MIA2: variants seen among roughly 807,000 people sequenced by gnomAD.
MIA2 encodes MIA SH3 domain ER export factor 2, also known as melanoma inhibitory activity protein 2.
MIA2 carries 127 observed loss-of-function variants against 167.8 expected under a neutral mutation model. That is an observed-to-expected ratio of 0.76 (90% CI 0.66 to 0.88). MIA2 has a LOEUF of 0.88. Ranked by LOEUF, MIA2 falls within the 40% of genes least tolerant of loss-of-function variation. The probability of loss-of-function intolerance (pLI) is 0.00; values close to 1 mark genes in which losing one functional copy is unlikely to be tolerated. For synonymous variants in MIA2, 552 were observed against 541.9 expected (o/e 1.02, Z -0.26); for missense variants, 1,690 against 1,624.7 (o/e 1.04, Z -0.69).
chr14:39,266,908 G>A lies in MIA2; in HGVS notation c.1888-10026G>A, dbSNP rs2055804762. ...GCCGCCGCCGCCACCGCGGCCGCCCGAGGCGGGTGCCCTTGGGACATAGCC... is the reference window on the plus strand; with the variant it reads ...GCCGCCGCCGCCACCGCGGCCGCCCAAGGCGGGTGCCCTTGGGACATAGCC... On this transcript the variant is annotated intron_variant, in intron 6 of 28. Coordinates refer to ENST00000640607, the MANE Select transcript of MIA2 (RefSeq NM_001329214.4). The A allele has an allele frequency of 4.4e-6, 3 of 675,166 alleles. No individual in the cohort carries two copies. In the South Asian group the frequency reaches 1.9e-4, roughly 44 times the overall value. The allele number at this position is 675,166 out of a possible 1,614,324, so 41.8% of individuals were successfully genotyped here. A position where few individuals can be genotyped will look rare whatever the true frequency, so the allele number is the denominator to read the frequency against.
At chr14:39,313,226 G>C (rs1278282893) in intron 18 of MIA2, 114 bp from the exon 19 acceptor site, 2 of 500,976 alleles carry the variant, frequency 4.0e-6, no homozygotes, top group African/African-American at 4.0e-5. Context: ...GATGTTTTCA[G>C]TGGTATTTTA....
chr14:39,372,443 G>A (rs1005714183), intron 23 of MIA2, among the ~76,000 whole-genome samples: 7 of 152,218 alleles, frequency 4.6e-5, no homozygotes, highest in African/African-American at 1.4e-4. Context: ...GTGGAAGCTA[G>A]AACAATTAAG....
At chr14:39,330,886 G>C (rs1227060600) in intron 25 of MIA2, among the ~76,000 whole-genome samples, 1 of 152,080 alleles carries the variant, frequency 6.6e-6, no homozygotes, top group African/African-American at 2.4e-5. Flanking sequence ...CCAATTATGT[G>C]GTTGATTTTA....
chr14:39,277,690 G>A (rs367647670), intron 7 of MIA2, among the ~76,000 whole-genome samples: 610 of 3,886 alleles, frequency 0.16, 137 homozygotes, highest in African/African-American at 0.19. Flanking sequence ...ATATATATGT[G>A]TGTATATATA....
Position 39,246,979 on chromosome 14 carries a change from T to G in MIA2, c.405T>G (p.Gly135=). The change falls in exon 4 of 29, where the codon GGT becomes GGG. Residue 135 remains glycine (G), a synonymous_variant. Coordinates refer to ENST00000640607, the MANE Select transcript of MIA2 (RefSeq NM_001329214.4). The stretch of plus-strand genomic sequence containing the variant: ...ACAATGAAGATAGTGAATTAAACGG[T>G]GATTATGGTGAAAATATATATCCTT... ...TFDNEDSELN[G]DYGENIYPYE... The G allele has an allele frequency of 6.4e-7, 1 of 1,552,988 alleles. No individual in the cohort carries two copies. The highest frequency in any genetic ancestry group is 1.4e-5 in the African/African-American group (1 of 72,390).
At chr14:39,329,639 A>G (rs1239698109) in intron 25 of MIA2, among the ~76,000 whole-genome samples, 1 of 135,512 alleles carries the variant, frequency 7.4e-6, no homozygotes, top group Non-Finnish European at 1.5e-5. Flanking sequence ...TTCCATCACT[A>G]CCTAGTTTAT....
Position 39,260,525 on chromosome 14 carries a change from A to G in MIA2, c.1887+7354A>G, listed in dbSNP as rs1158799675. Among the ~76,000 whole-genome samples, 7 of 152,304 alleles carry G rather than the reference A, an allele frequency of 4.6e-5. No individual in the cohort carries two copies. In the East Asian group the frequency reaches 1.3e-3, roughly 29 times the overall value. On this transcript the variant is annotated intron_variant, in intron 6 of 28. Coordinates refer to ENST00000640607, the MANE Select transcript of MIA2 (RefSeq NM_001329214.4). ...GTCTTCTTTTGAAAAGTGTCTGTTC[A>G]TATCCTTTGCCCACTTTTTGATGAA...
chr14:39,252,720 A>G (rs775575334), intron 4 of MIA2, 28 bp from the exon 5 acceptor site: 9 of 1,563,062 alleles, frequency 5.8e-6, no homozygotes. Flanking sequence ...TATTTTGGAA[A>G]AACACATTTC....
chr14:39,322,635 C>A (rs1390973304), intron 24 of MIA2, among the ~76,000 whole-genome samples: 1 of 151,206 alleles, frequency 6.6e-6, no homozygotes, highest in Admixed American at 6.6e-5. Context: ...ATTAGCTATT[C>A]TACATTTATC....
chr14:39,296,985 C>T (rs755039654), intron 13 of MIA2, among the ~76,000 whole-genome samples: 43 of 150,500 alleles, frequency 2.9e-4, no homozygotes, highest in Admixed American at 1.6e-3. Context: ...CCATGTTGGC[C>T]AGGCTGGTCT....
intron 17 of MIA2, among the ~76,000 whole-genome samples, chr14:39,305,304 T>A (rs6571914): frequency 0.86 from 130,899 of 152,216 alleles, 56,946 homozygotes; most frequent in East Asian, 0.96. Flanking sequence ...ATGGGAGATA[T>A]ACAGAAGGAA....
rs1280826524 is a variant in MIA2, at chr14:39,277,764, A to ATGTGTGTG, written c.2019+700_2019+701insGTGTGTGT. ...TATATGTGTGTATATATATATATAT[A>ATGTGTGTG]TATATATATATATATATTTATATTT... On this transcript the variant is annotated intron_variant, in intron 7 of 28. Coordinates refer to ENST00000640607, the MANE Select transcript of MIA2 (RefSeq NM_001329214.4). Among the ~76,000 whole-genome samples, 7 of 31,772 alleles carry ATGTGTGTG rather than the reference A, an allele frequency of 2.2e-4. 2 individuals carry two copies. The highest frequency in any genetic ancestry group is 9.5e-4 in the Admixed American group (2 of 2,098). 20.8% of individuals were successfully genotyped at this position (31,772 alleles called of 152,430 possible).
At chr14:39,354,035 G>C (rs142586545), downstream of MIA2, among the ~76,000 whole-genome samples, 3 of 152,318 alleles carry the variant, frequency 2.0e-5, no homozygotes, top group East Asian at 5.8e-4. Context: ...ACATGCGCAT[G>C]TGCCTTTATA....
intron 13 of MIA2, among the ~76,000 whole-genome samples, chr14:39,298,910 C>T (rs1240320259): frequency 6.7e-6 from 1 of 149,834 alleles, no homozygotes; most frequent in African/African-American, 2.5e-5. Context: ...ATAGTAAGAC[C>T]TTGACTCTAC....
At chr14:39,349,724 G>A (rs1033167743) in intron 28 of MIA2, among the ~76,000 whole-genome samples, 1 of 152,126 alleles carries the variant, frequency 6.6e-6, no homozygotes, top group South Asian at 2.1e-4. Flanking sequence ...TTAGAATTGG[G>A]AATCACTAAT....
rs17109079 is a variant in MIA2, at chr14:39,265,896, A to C, written c.1888-11038A>C. ...GTTGTGTAATACCTTATACCTTAAC[A>C]ATGGAGAATTACTAAGCAATTTTGG... On this transcript the variant is annotated intron_variant, in intron 6 of 28. Coordinates refer to ENST00000640607, the MANE Select transcript of MIA2 (RefSeq NM_001329214.4). The C allele has an allele frequency of 0.023, 17,458 of 766,952 alleles. 2,192 individuals carry two copies. In the African/African-American group the frequency reaches 0.28, roughly 13 times the overall value. The allele number at this position is 766,952 out of a possible 1,614,324, so 47.5% of individuals were successfully genotyped here.
chr14:39,362,524 TG>T (rs1418939115), intron 23 of MIA2, among the ~76,000 whole-genome samples: 2 of 152,178 alleles, frequency 1.3e-5, no homozygotes, highest in Non-Finnish European at 2.9e-5. Flanking sequence ...TGCTATCAGT[TG>T]TAATTTCTCC....
rs377081131 is a variant in MIA2, at chr14:39,362,626, TA to T, written c.2248+13650del. On this transcript the variant is annotated intron_variant, in intron 23 of 23. Coordinates refer to the MIA2 transcript ENST00000341502. ...TATCCATTTTGCTTATCTTTACAAA[TA>T]CCCAACTTTTTGCTTCACTAATCTT... is the stretch of plus-strand genomic sequence containing the variant. Among the ~76,000 whole-genome samples, 408 of 152,262 alleles carry T rather than the reference TA, an allele frequency of 2.7e-3. 1 individual carries two copies. Among genetic ancestry groups the T allele is most frequent in the African/African-American group, 4.8e-3 (199 of 41,594 alleles).
Position 39,304,366 on chromosome 14 carries a change from A to G in MIA2, c.2863A>G (p.Lys955Glu). 1.9e-6 allele frequency: 3 copies of G among 1,566,260 alleles called. No individual in the cohort carries two copies. The highest frequency in any genetic ancestry group is 2.4e-5 in the South Asian group (2 of 81,872). The change falls in exon 17 of 29, where the codon AAG (lysine) becomes GAG (glutamate). Residue 955 changes from lysine to glutamate, a missense_variant. Transcript: ENST00000640607. ...TCAGTTGTCTGAAGTTGATAAAACAAAGGAAGAGCTTACAGGTAGGTCATT... is the reference window on the plus strand; with the variant it reads ...TCAGTTGTCTGAAGTTGATAAAACAGAGGAAGAGCTTACAGGTAGGTCATT... ...YIQLSEVDKT[K>E]EELTEHIKNL...
Sources: allele counts gnomAD v4.1 joint callset (sites outside exome capture counted in the v4.1 genomes callset), GRCh38; gene constraint gnomAD v4.1.1; transcripts MANE v1.5; gene names NCBI Gene and HGNC (gene_info 2026-07-23, HGNC 2026-07-21).